DLG2: variants seen among roughly 807,000 people sequenced by gnomAD.
DLG2 encodes the protein disks large homolog 2.
In DLG2, 45 loss-of-function variants were observed where a neutral mutation model predicts 132.5. That is an observed-to-expected ratio of 0.34 (90% confidence interval 0.27 to 0.44). DLG2 has a LOEUF of 0.44. DLG2 is among the 20% of genes least tolerant of loss of function. DLG2 has a pLI of 1.00. For missense variants in DLG2, 1,045 were observed against 1,196.9 expected, an observed-to-expected ratio of 0.87 and a Z score of 1.87; for synonymous variants, 424 against 419.6, an observed-to-expected ratio of 1.01 and a Z score of -0.13.
intron 3 of DLG2, among the ~76,000 whole-genome samples, chr11:85,531,535 A>T (rs2075211428): frequency 1.3e-5 from 2 of 152,222 alleles, no homozygotes; most frequent in South Asian, 4.1e-4. Flanking sequence ...GAATTTTAAA[A>T]TGTAGACTGA....
intron 18 of DLG2, among the ~76,000 whole-genome samples, chr11:83,670,912 C>T (rs761035865): frequency 2.8e-4 from 42 of 152,186 alleles, no homozygotes; most frequent in Non-Finnish European, 5.3e-4. Flanking sequence ...ACTTTTGTTT[C>T]TATAAAGAAA....
intron 19 of DLG2, among the ~76,000 whole-genome samples, chr11:83,555,386 T>C (rs187437784): frequency 1.2e-3 from 181 of 152,268 alleles, no homozygotes; most frequent in Middle Eastern, 6.8e-3. Flanking sequence ...GGCTTTAGGG[T>C]GGAGAATGGA....
At chr11:84,031,105 G>T (rs2095676967) in intron 11 of DLG2, among the ~76,000 whole-genome samples, 1 of 151,882 alleles carries the variant, frequency 6.6e-6, no homozygotes, top group Non-Finnish European at 1.5e-5. Context: ...CCCCAGAAAG[G>T]ATAAAGACCT....
intron 19 of DLG2, among the ~76,000 whole-genome samples, chr11:83,589,963 C>G (rs2097158536): frequency 7.0e-6 from 1 of 142,410 alleles, no homozygotes; most frequent in South Asian, 2.4e-4. Flanking sequence ...TATATGCACC[C>G]AATACAGGAG....
chr11:85,013,737 A>G (rs10792794), intron 6 of DLG2, among the ~76,000 whole-genome samples: 102,807 of 152,018 alleles, frequency 0.68, 35,601 homozygotes, highest in East Asian at 0.94. Flanking sequence ...ATTCTTTATA[A>G]CTATTTTGTC....
At chr11:85,395,420 C>A (rs1412516836) in intron 3 of DLG2, among the ~76,000 whole-genome samples, 5 of 152,096 alleles carry the variant, frequency 3.3e-5, no homozygotes, top group Non-Finnish European at 5.9e-5. Context: ...GTGGGTGCAG[C>A]CCATGGAGGG....
At chr11:84,063,436 T>C (rs533147713) in intron 10 of DLG2, among the ~76,000 whole-genome samples, 1 of 152,360 alleles carries the variant, frequency 6.6e-6, no homozygotes, top group South Asian at 2.1e-4. Flanking sequence ...TAAAATGGTA[T>C]AGCATCACTG....
intron 8 of DLG2, among the ~76,000 whole-genome samples, chr11:84,248,993 T>G (rs1186589320): frequency 6.6e-6 from 1 of 152,244 alleles, no homozygotes; most frequent in Non-Finnish European, 1.5e-5. Flanking sequence ...CGACTCATTT[T>G]ACTAGCTAAT....
At chr11:85,093,329 G>A (rs1188984881) in intron 6 of DLG2, among the ~76,000 whole-genome samples, 1 of 150,746 alleles carries the variant, frequency 6.6e-6, no homozygotes, top group African/African-American at 2.4e-5. Flanking sequence ...TGTATTTTTT[G>A]TGTGCATTTT....
intron 6 of DLG2, among the ~76,000 whole-genome samples, chr11:84,647,600 T>G (rs1390997544): frequency 1.3e-5 from 2 of 152,190 alleles, no homozygotes; most frequent in African/African-American, 4.8e-5. Flanking sequence ...ACATCTTTAT[T>G]AAACACCTAT....
chr11:83,948,829 G>A (rs997768300), intron 14 of DLG2, among the ~76,000 whole-genome samples: 1 of 152,174 alleles, frequency 6.6e-6, no homozygotes, highest in Non-Finnish European at 1.5e-5. Context: ...TTACCTCATG[G>A]AGTGATGGGA....
intron 3 of DLG2, among the ~76,000 whole-genome samples, chr11:85,323,176 C>G (rs1411991010): frequency 6.6e-6 from 1 of 152,134 alleles, no homozygotes; most frequent in East Asian, 1.9e-4. Context: ...TGCCTGTAGG[C>G]CTTTGACCTA....
At chr11:84,445,474 C>T (rs2099030947) in intron 7 of DLG2, among the ~76,000 whole-genome samples, 1 of 152,150 alleles carries the variant, frequency 6.6e-6, no homozygotes, top group Non-Finnish European at 1.5e-5. Flanking sequence ...TATTTGCTGC[C>T]TGTTACAAGA....
At position 84,825,937 on chromosome 11, in the gene DLG2, A is replaced by G. The variant is rs566739144; in HGVS notation, c.357+285724T>C. Among the ~76,000 whole-genome samples, 19 of 151,622 alleles carry G rather than the reference A, an allele frequency of 1.3e-4. 1 individual carries two copies. Among genetic ancestry groups the G allele is most frequent in the East Asian group, 7.8e-4 (4 of 5,100 alleles). On this transcript the variant is annotated intron_variant, in intron 6 of 27. Coordinates refer to ENST00000376104, the MANE Select transcript of DLG2 (RefSeq NM_001142699.3). Reference sequence around the variant, plus strand: ...CCCTTATCTCAGCATCTCCAGTCCCACTCCTCCAAACCAGAAAAACATTTA... The same window carrying G: ...CCCTTATCTCAGCATCTCCAGTCCCGCTCCTCCAAACCAGAAAAACATTTA...
intron 6 of DLG2, among the ~76,000 whole-genome samples, chr11:84,898,749 T>C (rs1027215189): frequency 6.6e-6 from 1 of 151,968 alleles, no homozygotes; most frequent in Non-Finnish European, 1.5e-5. Flanking sequence ...CTTACCTGCC[T>C]TTTCTTCTAA....
At chr11:84,802,525 A>G (rs1666586570) in intron 6 of DLG2, among the ~76,000 whole-genome samples, 1 of 152,002 alleles carries the variant, frequency 6.6e-6, no homozygotes, top group African/African-American at 2.4e-5. Flanking sequence ...GACCAACCCC[A>G]GTCACTACTA....
intron 15 of DLG2, among the ~76,000 whole-genome samples, chr11:83,889,779 A>G (rs1179756063): frequency 6.6e-6 from 1 of 152,204 alleles, no homozygotes; most frequent in Admixed American, 6.5e-5. Flanking sequence ...CTATGCAGCC[A>G]TAAAAAAACA....
At chr11:85,492,703 G>T (rs1189127778) in intron 3 of DLG2, among the ~76,000 whole-genome samples, 2 of 145,586 alleles carry the variant, frequency 1.4e-5, no homozygotes, top group Non-Finnish European at 2.9e-5. Flanking sequence ...GTATATTTGG[G>T]ATGGTCTGAC....
At chr11:85,373,196 C>G (rs946449101) in intron 3 of DLG2, among the ~76,000 whole-genome samples, 1 of 151,860 alleles carries the variant, frequency 6.6e-6, no homozygotes, top group Admixed American at 6.6e-5. Context: ...TTTTGGCTTC[C>G]CTCTCTCTGT....
Sources: allele counts gnomAD v4.1 joint callset (sites outside exome capture counted in the v4.1 genomes callset), GRCh38; gene constraint gnomAD v4.1.1; transcripts MANE v1.5; gene names NCBI Gene and HGNC (gene_info 2026-07-23, HGNC 2026-07-21).